CEP350: variants seen among roughly 807,000 people sequenced by gnomAD.
CEP350 encodes the protein centrosomal protein 350.
In CEP350, 126 loss-of-function variants were observed where a neutral mutation model predicts 331.8. The ratio of observed to expected loss-of-function variants is 0.38; its 90% CI spans 0.33 to 0.44. The LOEUF is 0.44. Ranked by LOEUF, CEP350 falls within the 20% of genes least tolerant of loss-of-function variation. CEP350 has a pLI of 1.00. For missense variants in CEP350, 3,406 were observed against 3,634.6 expected (o/e 0.94, Z 1.62); for synonymous variants, 1,200 against 1,259.5 (o/e 0.95, Z 1.00).
rs774613850 is a variant in CEP350 at position 180,014,039 on chromosome 1, G to A, written c.1586G>A (p.Arg529His). Reference protein sequence around the residue: ...LNKDFLPIEIRGILDDLQLDS... With the variant: ...LNKDFLPIEIHGILDDLQLDS... ...AAGGACTTTTTACCTATTGAAATTC[G>A]TGGCATTCTTGATGACCTACAGCTG... is the stretch of plus-strand genomic sequence containing the variant. The change falls in exon 10 of 38, where the codon CGT becomes CAT. Residue 529 changes from arginine (R) to histidine (H), a missense_variant. Physicochemically the swap from Arg to His is conservative, Grantham distance 29. Coordinates refer to ENST00000367607, the MANE Select transcript of CEP350 (RefSeq NM_014810.5). 9 of 1,612,878 alleles carry A rather than the reference G, an allele frequency of 5.6e-6. No individual in the cohort carries two copies. Among genetic ancestry groups the A allele is most frequent in the Non-Finnish European group, 6.8e-6 (8 of 1,179,360 alleles).
chr1:180,015,844 C>G lies in CEP350; in HGVS notation c.2053-5C>G. On this transcript the variant is annotated splice_polypyrimidine_tract_variant and splice_region_variant and intron_variant, in intron 10 of 37. Coordinates refer to ENST00000367607, the MANE Select transcript of CEP350 (RefSeq NM_014810.5). ...TCATATAAATTTGATGTCCTTTTCT[C>G]CTAGGCCAAACCAGGGTATCAGCCA... 2 of 1,612,302 alleles carry G rather than the reference C, an allele frequency of 1.2e-6. No individual in the cohort carries two copies. Among genetic ancestry groups the G allele is most frequent in the Non-Finnish European group, 1.7e-6 (2 of 1,178,990 alleles).
chr1:180,034,099 A>G lies in CEP350; in HGVS notation c.3946+17A>G, dbSNP rs1181255975. ...CAATACCAGGTAAGTAGATTCATGC[A>G]ATTGTAATTTTTAGAATACGATATG... On this transcript the variant is annotated intron_variant, in intron 16 of 37. Coordinates refer to ENST00000367607, the MANE Select transcript of CEP350 (RefSeq NM_014810.5). 6.9e-6 allele frequency: 11 copies of G among 1,599,842 alleles called. No homozygotes were observed. Among genetic ancestry groups the G allele is most frequent in the Non-Finnish European group, 9.4e-6 (11 of 1,172,478 alleles).
chr1:180,030,237 GTATA>G (rs1262820922), intron 14 of CEP350, among the ~76,000 whole-genome samples: 2 of 142,926 alleles, frequency 1.4e-5, no homozygotes, highest in Admixed American at 7.0e-5. Context: ...ATATTTTAAA[GTATA>G]TATAGTAATT....
intron 21 of CEP350, 65 bp downstream of exon 21, chr1:180,044,238 GCTTT>G: frequency 1.4e-6 from 2 of 1,388,760 alleles, no homozygotes; most frequent in South Asian, 3.2e-5. Flanking sequence ...CTTAAACATT[GCTTT>G]CTTTGATTTC....
chr1:180,054,909 G>T (rs1050305487), intron 25 of CEP350, among the ~76,000 whole-genome samples: 1 of 152,110 alleles, frequency 6.6e-6, no homozygotes, highest in African/African-American at 2.4e-5. Flanking sequence ...GACTTAGAAA[G>T]ACCTCAGTTT....
At chr1:180,063,560 C>G (rs1658372322) in intron 26 of CEP350, among the ~76,000 whole-genome samples, 2 of 151,814 alleles carry the variant, frequency 1.3e-5, no homozygotes, top group African/African-American at 2.4e-5. Context: ...ACCTGTAATC[C>G]CAACACTTTG....
At chr1:179,980,790 C>A (rs1007274623) in intron 1 of CEP350, among the ~76,000 whole-genome samples, 3 of 151,988 alleles carry the variant, frequency 2.0e-5, no homozygotes, top group African/African-American at 4.8e-5. Flanking sequence ...TAATAACATA[C>A]AATGCTTTGC....
intron 37 of CEP350, among the ~76,000 whole-genome samples, chr1:180,106,837 T>C (rs1352049977): frequency 6.6e-6 from 1 of 152,078 alleles, no homozygotes; most frequent in Non-Finnish European, 1.5e-5. Flanking sequence ...ATCTTACTTA[T>C]AGTACTTACA....
intron 6 of CEP350, among the ~76,000 whole-genome samples, chr1:179,997,949 A>G (rs1430480756): frequency 6.6e-6 from 1 of 152,036 alleles, no homozygotes. Flanking sequence ...TAAGAAAACA[A>G]TATTTAAATC....
rs759752132 is a variant in CEP350 at position 180,062,282 on chromosome 1, T to G, written c.5325T>G (p.Leu1775=). 6.2e-7 allele frequency: 1 copy of G among 1,610,998 alleles called. No homozygotes were observed. The highest frequency in any genetic ancestry group is 1.1e-5 in the South Asian group (1 of 90,400). The change falls in exon 26 of 38, where the codon CTT becomes CTG. Residue 1775 remains leucine, a synonymous_variant. Transcript: ENST00000367607. The part of the protein sequence containing the change: ...KAARKERQLI[L]KQQEEIEKIR... ...CTCGGAAGGAAAGACAGCTGATTCT[T>G]AAACAGCAGGAGGAGATAGAAAAGA... is the stretch of plus-strand genomic sequence containing the variant.
At chr1:180,026,082 T>C (rs1297966630) in intron 14 of CEP350, among the ~76,000 whole-genome samples, 1 of 152,092 alleles carries the variant, frequency 6.6e-6, no homozygotes, top group Non-Finnish European at 1.5e-5. Context: ...TAAACCAGCC[T>C]GGCCAATATG....
At chr1:180,089,704 A>C (rs189948180) in intron 32 of CEP350, among the ~76,000 whole-genome samples, 3 of 152,222 alleles carry the variant, frequency 2.0e-5, no homozygotes, top group Admixed American at 1.3e-4. Context: ...ATTTAAATGG[A>C]AAAGGTGGTT....
At position 180,092,716 on chromosome 1, in the gene CEP350, C is replaced by T. The variant is rs373732638; in HGVS notation, c.6611C>T (p.Thr2204Ile). 5.0e-6 allele frequency: 8 copies of T among 1,610,910 alleles called. No individual in the cohort carries two copies. The African/African-American group carries it at 6.7e-5, about 13-fold the overall frequency. Reference protein sequence around the residue: ...EWDSRTEDFQTPSPVLRSSRK... With the variant: ...EWDSRTEDFQIPSPVLRSSRK... ...GACAGTCGAACAGAAGATTTTCAGA[C>T]CCCATCTCCAGTTCTCAGATCATCA... is the stretch of plus-strand genomic sequence containing the variant. Residue 2204 changes from threonine to isoleucine, a missense_variant, in exon 34 of 38, where the codon ACC becomes ATC. By Grantham distance (89) the Thr-to-Ile change is moderately conservative. This residue lies in a region of CEP350 where 1,415 missense variants were observed against 1,512.3 expected (regional missense o/e 0.94). Coordinates refer to ENST00000367607, the MANE Select transcript of CEP350 (RefSeq NM_014810.5).
chr1:180,068,345 G>A (rs1314974757), intron 27 of CEP350, among the ~76,000 whole-genome samples: 7 of 152,008 alleles, frequency 4.6e-5, no homozygotes, highest in Admixed American at 3.9e-4. Flanking sequence ...CCATTTATCA[G>A]TATAGTAAAA....
chr1:179,991,946 A>G lies in CEP350; in HGVS notation c.236-116A>G, dbSNP rs957317207. 1.4e-5 allele frequency: 14 copies of G among 965,882 alleles called. No individual in the cohort carries two copies. The African/African-American group carries it at 1.9e-4, about 13-fold the overall frequency. The allele number at this position is 965,882 out of a possible 1,614,324, so 59.8% of individuals were successfully genotyped here. On this transcript the variant is annotated intron_variant, in intron 4 of 37. Coordinates refer to ENST00000367607, the MANE Select transcript of CEP350 (RefSeq NM_014810.5). ...ACTAGAGATACTAGAGATAACTTATATAATATCCAACTATTAGAAATAATA... is the reference window on the plus strand; with the variant it reads ...ACTAGAGATACTAGAGATAACTTATGTAATATCCAACTATTAGAAATAATA...
At position 180,113,574 on chromosome 1, in the gene CEP350, AAAAG is replaced by A. The variant is rs1296924229; in HGVS notation, c.*2417_*2420del. On this transcript the variant is annotated 3_prime_UTR_variant, in exon 38 of 38. Coordinates refer to ENST00000367607, the MANE Select transcript of CEP350 (RefSeq NM_014810.5). ...GTTATCTGTAGTTTGGTAGCAAAAAAAAAGAAAAAAGAATCCATAATTAGCAGAT... is the reference window on the plus strand; with the variant it reads ...GTTATCTGTAGTTTGGTAGCAAAAAAAAAAAAGAATCCATAATTAGCAGAT... 2 of 151,970 alleles carry A rather than the reference AAAAG, an allele frequency of 1.3e-5. No individual in the cohort carries two copies. The highest frequency in any genetic ancestry group is 2.9e-5 in the Non-Finnish European group (2 of 67,934). The allele number at this position is 151,970 out of a possible 1,614,324, so 9.4% of individuals were successfully genotyped here. A position where few individuals can be genotyped will look rare whatever the true frequency, so the allele number is the denominator to read the frequency against.
chr1:180,051,920 G>T (rs1657526362), intron 22 of CEP350, among the ~76,000 whole-genome samples: 1 of 152,276 alleles, frequency 6.6e-6, no homozygotes, highest in South Asian at 2.1e-4. Flanking sequence ...GTAAACGAGT[G>T]TTGGATGGTC....
At chr1:179,966,436 T>G (rs1451841724) in intron 1 of CEP350, among the ~76,000 whole-genome samples, 1 of 152,152 alleles carries the variant, frequency 6.6e-6, no homozygotes, top group African/African-American at 2.4e-5. Flanking sequence ...CTAATAATAA[T>G]GCATGTATAA....
At chr1:179,998,318 T>TC (rs1653619682) in intron 6 of CEP350, among the ~76,000 whole-genome samples, 3 of 147,942 alleles carry the variant, frequency 2.0e-5, no homozygotes, top group Non-Finnish European at 4.5e-5. Context: ...TTTTTTTTTT[T>TC]TTTTTTTTAA....
Sources: gnomAD v4.1 joint callset for allele counts (sites outside exome capture counted in the v4.1 genomes callset) on GRCh38, gnomAD v4.1.1 for gene constraint, gnomAD v4.1.1 regional missense constraint, MANE v1.5 for transcripts, NCBI Gene and HGNC (gene_info 2026-07-23, HGNC 2026-07-21) for gene names.